CUX1: variants seen among roughly 807,000 people sequenced by gnomAD.
CUX1 encodes the protein cut like homeobox 1.
A neutral mutation model predicts 158.8 loss-of-function variants in CUX1; 31 were observed. The ratio of observed to expected loss-of-function variants is 0.20; its 90% CI spans 0.15 to 0.26. The LOEUF (loss-of-function observed/expected upper bound fraction) is 0.26. Ranked by LOEUF, CUX1 falls within the 10% of genes least tolerant of loss-of-function variation. CUX1 has a pLI of 1.00. For synonymous variants in CUX1, 879 were observed against 862.1 expected (o/e 1.02, Z -0.34); for missense variants, 1,589 against 2,014.6 (o/e 0.79, Z 4.04).
intron 1 of CUX1, among the ~76,000 whole-genome samples, chr7:101,823,339 A>T (rs1354270424): frequency 2.6e-5 from 4 of 152,182 alleles, no homozygotes; most frequent in Non-Finnish European, 5.9e-5. Context: ...GCAACTCAAG[A>T]ACTAGCCAGC....
At chr7:101,816,698 G>A (rs1333902374), upstream of CUX1, among the ~76,000 whole-genome samples, 1 of 145,168 alleles carries the variant, frequency 6.9e-6, no homozygotes, top group Non-Finnish European at 1.5e-5. Flanking sequence ...CCGGCGCGGC[G>A]GAGCTGGGGC....
chr7:101,817,731 G>T lies in CUX1; in HGVS notation c.30+62G>T. 6.5e-7 allele frequency: 1 copy of T among 1,536,498 alleles called. No homozygotes were observed. The highest frequency in any genetic ancestry group is 8.8e-7 in the Non-Finnish European group (1 of 1,139,910). ...GGCGCGGAGGGAACCGGGGATGTCG[G>T]GGGGTGCCCGGGTCCCGCGGCTTAG... On this transcript the variant is annotated intron_variant, in intron 1 of 23. Coordinates refer to ENST00000292535, the MANE Select transcript of CUX1 (RefSeq NM_181552.4). This position sits in a 1 kb window ranked among gnomAD's most constrained non-coding sequence, Gnocchi z 4.1.
rs759336386 is a variant in CUX1, at chr7:102,070,243, C to T, written c.190-96C>T. On this transcript the variant is annotated intron_variant, in intron 3 of 23. Transcript: ENST00000292535. ...GCCCAGTTGTCAAGCATCTCCCTTG[C>T]TACGGGAATTCACTAGATGTGTAAT... is the stretch of plus-strand genomic sequence containing the variant. 8.7e-6 allele frequency: 9 copies of T among 1,031,498 alleles called. 1 individual carries two copies. In the Admixed American group the frequency reaches 1.1e-4, roughly 12 times the overall value. The allele number at this position is 1,031,498 out of a possible 1,614,324, so 63.9% of individuals were successfully genotyped here.
At chr7:101,947,426 T>C (rs1808525586) in intron 2 of CUX1, among the ~76,000 whole-genome samples, 1 of 152,108 alleles carries the variant, frequency 6.6e-6, no homozygotes, top group South Asian at 2.1e-4. Context: ...ACCTCACTAT[T>C]CTAGGCCCGA....
intron 8 of CUX1, among the ~76,000 whole-genome samples, chr7:102,124,130 A>G (rs1554494388): frequency 6.6e-6 from 1 of 152,198 alleles, no homozygotes; most frequent in African/African-American, 2.4e-5. Context: ...CTTGCAGTGT[A>G]TATGTGAAGG....
rs112574310 is a variant in CUX1, at chr7:102,043,189, G to A, written c.189+15044G>A. On this transcript the variant is annotated intron_variant, in intron 3 of 23. Transcript: ENST00000292535. ...TGGTCTTGAACTCCTGACCTCAAGC[G>A]ATCCTCCCACCTCATTCTCCCAAAG... Among the ~76,000 whole-genome samples, 925 of 152,160 alleles carry A rather than the reference G, an allele frequency of 6.1e-3. 10 individuals are homozygous for A. Among genetic ancestry groups the A allele is most frequent in the African/African-American group, 0.022 (896 of 41,516 alleles).
intron 23 of CUX1, among the ~76,000 whole-genome samples, chr7:102,242,326 C>T: frequency 6.7e-6 from 1 of 150,012 alleles, no homozygotes; most frequent in Admixed American, 6.7e-5. Flanking sequence ...TCTCCTGCCT[C>T]AGCCTCCTGA....
intron 2 of CUX1, among the ~76,000 whole-genome samples, chr7:101,923,563 G>A (rs973760147): frequency 1.3e-5 from 2 of 152,212 alleles, no homozygotes; most frequent in Non-Finnish European, 2.9e-5. Context: ...TGCTCTGGGA[G>A]GAGAGCCGAG....
chr7:101,896,391 G>C (rs543947821), intron 1 of CUX1, among the ~76,000 whole-genome samples: 1 of 152,284 alleles, frequency 6.6e-6, no homozygotes, highest in Admixed American at 6.5e-5. Flanking sequence ...AACGTGAATG[G>C]GTGAATGAAG....
Position 102,014,207 on chromosome 7 carries a change from T to G in CUX1, c.142-13891T>G, listed in dbSNP as rs555926747. On this transcript the variant is annotated intron_variant, in intron 2 of 23. Transcript: ENST00000292535. Reference sequence around the variant, plus strand: ...GACCTCTGTGGCCTTCGAAGCGGGTTGCTGTTAGACACACCTTTTAGAAGC... The same window carrying G: ...GACCTCTGTGGCCTTCGAAGCGGGTGGCTGTTAGACACACCTTTTAGAAGC... 7.2e-5 allele frequency among the ~76,000 whole-genome samples: 11 copies of G among 152,306 alleles called. No individual in the cohort carries two copies. The South Asian group carries it at 2.3e-3, about 32-fold the overall frequency.
intron 1 of CUX1, among the ~76,000 whole-genome samples, chr7:101,866,925 A>G (rs960024278): frequency 2.0e-5 from 3 of 152,186 alleles, no homozygotes; most frequent in Admixed American, 6.5e-5. Flanking sequence ...AAGTTTCATA[A>G]AAGTTGTATT....
chr7:102,167,232 C>CA (rs1791141403), intron 9 of CUX1, among the ~76,000 whole-genome samples: 1 of 150,542 alleles, frequency 6.6e-6, no homozygotes, highest in East Asian at 1.9e-4. Flanking sequence ...CATACCGCTG[C>CA]ACTCCAGCCT....
chr7:102,277,030 T>A (rs1554547886), intron 17 of CUX1, among the ~76,000 whole-genome samples: 1 of 152,226 alleles, frequency 6.6e-6, no homozygotes, highest in Non-Finnish European at 1.5e-5. Flanking sequence ...CCAGGCATCG[T>A]GGCTCATGCC....
intron 10 of CUX1, among the ~76,000 whole-genome samples, chr7:102,176,385 G>T (rs1477848660): frequency 6.6e-6 from 1 of 151,992 alleles, no homozygotes. Flanking sequence ...CTTCAGAGGG[G>T]GGACAGCGGC....
At chr7:101,914,364 TTCCTTCCC>T (rs1803894969) in intron 1 of CUX1, among the ~76,000 whole-genome samples, 3 of 137,896 alleles carry the variant, frequency 2.2e-5, no homozygotes, top group African/African-American at 8.3e-5. Context: ...CCTTCCTTCC[TTCCTTCCC>T]TCCCTCCCTC....
At chr7:102,241,936 C>T (rs1800260041) in intron 23 of CUX1, among the ~76,000 whole-genome samples, 1 of 152,216 alleles carries the variant, frequency 6.6e-6, no homozygotes, top group Admixed American at 6.5e-5. Context: ...CACCACTGCA[C>T]TCCAGTCTGG....
At position 102,276,263 on chromosome 7, in the gene CUX1, C is replaced by T. The variant is rs190660749; in HGVS notation, c.1563+904C>T. On this transcript the variant is annotated intron_variant, in intron 17 of 22. Coordinates refer to the CUX1 transcript ENST00000292538. Reference sequence around the variant, plus strand: ...CTATGTTTAACGTTTTTAGAGGAAGCGTCATACTGCCATATACTTTTTTGT... The same window carrying T: ...CTATGTTTAACGTTTTTAGAGGAAGTGTCATACTGCCATATACTTTTTTGT... Among the ~76,000 whole-genome samples the T allele has an allele frequency of 1.7e-4, 26 of 152,160 alleles. No homozygotes were observed. In the East Asian group the frequency reaches 4.3e-3, roughly 25 times the overall value.
intron 11 of CUX1, among the ~76,000 whole-genome samples, chr7:102,183,261 G>C (rs191476185): frequency 6.6e-6 from 1 of 151,936 alleles, no homozygotes; most frequent in Admixed American, 6.5e-5. Flanking sequence ...TCATCTGCCC[G>C]CCTCAGCCTC....
intron 6 of CUX1, among the ~76,000 whole-genome samples, chr7:102,108,736 T>TGTGTGTGTGTGTG (rs1830610289): frequency 7.9e-4 from 115 of 145,058 alleles, no homozygotes; most frequent in African/African-American, 2.8e-3. Flanking sequence ...TTCATTCATT[T>TGTGTGTGTGTGTG]TGTGTGTGTG....
Sources: allele counts gnomAD v4.1 joint callset (sites outside exome capture counted in the v4.1 genomes callset), GRCh38; gene constraint gnomAD v4.1.1; non-coding constraint Gnocchi (gnomAD v3.1); transcripts MANE v1.5; gene names NCBI Gene and HGNC (gene_info 2026-07-23, HGNC 2026-07-21).